The following IMMP2L variants were observed in gnomAD, a reference collection of about 807,000 sequenced individuals.
IMMP2L encodes the protein inner mitochondrial membrane peptidase subunit 2.
In IMMP2L, 18 loss-of-function variants were observed where a neutral mutation model predicts 19.3. That is an observed-to-expected ratio of 0.93 (90% CI 0.64 to 1.38). The LOEUF is 1.38. IMMP2L is among the 40% of genes most tolerant of loss of function. The pLI, the probability that IMMP2L is intolerant of heterozygous loss-of-function variation, is 0.00. For synonymous variants in IMMP2L, 76 were observed against 73.0 expected (o/e 1.04, Z -0.21); for missense variants, 233 against 218.2 (o/e 1.07, Z -0.43).
chr7:110,688,422 A>G (rs1158883697), intron 5 of IMMP2L, among the ~76,000 whole-genome samples: 1 of 152,106 alleles, frequency 6.6e-6, no homozygotes, highest in Non-Finnish European at 1.5e-5. Context: ...GTTCTAAACA[A>G]AACCAAATAC....
chr7:110,694,766 C>A (rs1485030846), intron 5 of IMMP2L, among the ~76,000 whole-genome samples: 2 of 152,114 alleles, frequency 1.3e-5, no homozygotes, highest in African/African-American at 4.8e-5. Flanking sequence ...CAAACAAATA[C>A]TTGAACCTGC....
At chr7:110,861,127 GA>G (rs1807373410) in intron 5 of IMMP2L, among the ~76,000 whole-genome samples, 4 of 145,848 alleles carry the variant, frequency 2.7e-5, no homozygotes, top group African/African-American at 1.0e-4. Flanking sequence ...GAGAGAGAGA[GA>G]GACAGAGACA....
intron 3 of IMMP2L, among the ~76,000 whole-genome samples, chr7:111,135,766 C>T (rs1159873737): frequency 4.6e-5 from 7 of 152,126 alleles, no homozygotes; most frequent in Admixed American, 4.6e-4. Context: ...CCCTGTCTCC[C>T]AAATACACTA....
intron 5 of IMMP2L, among the ~76,000 whole-genome samples, chr7:110,820,790 T>C (rs988060483): frequency 1.3e-5 from 2 of 152,056 alleles, no homozygotes; most frequent in Admixed American, 6.6e-5. Flanking sequence ...TGGTAGGAAG[T>C]ACACCGAACT....
At chr7:110,860,954 C>T (rs905842375) in intron 5 of IMMP2L, among the ~76,000 whole-genome samples, 7 of 151,074 alleles carry the variant, frequency 4.6e-5, no homozygotes, top group Non-Finnish European at 8.8e-5. Context: ...GTAATGAATC[C>T]AACTATTCAA....
At chr7:111,322,254 C>A (rs1824801324) in intron 3 of IMMP2L, among the ~76,000 whole-genome samples, 1 of 151,756 alleles carries the variant, frequency 6.6e-6, no homozygotes. Flanking sequence ...TTCTTTTATG[C>A]CAGACCCATG....
chr7:110,807,995 T>G (rs1801745035), intron 5 of IMMP2L, among the ~76,000 whole-genome samples: 1 of 152,060 alleles, frequency 6.6e-6, no homozygotes, highest in Non-Finnish European at 1.5e-5. Context: ...TACAAATGAG[T>G]TTGCTAAAAT....
chr7:111,241,185 A>G (rs1420193057), intron 3 of IMMP2L, among the ~76,000 whole-genome samples: 2 of 151,980 alleles, frequency 1.3e-5, no homozygotes, highest in African/African-American at 2.4e-5. Context: ...AATATTATCA[A>G]TAAGATTACA....
At chr7:111,432,371 T>C (rs1291083587) in intron 3 of IMMP2L, among the ~76,000 whole-genome samples, 1 of 151,788 alleles carries the variant, frequency 6.6e-6, no homozygotes, top group Admixed American at 6.6e-5. Flanking sequence ...AACACCATGA[T>C]CAGGTGGGAT....
At chr7:111,101,426 T>C (rs1053899541) in intron 3 of IMMP2L, among the ~76,000 whole-genome samples, 1 of 151,514 alleles carries the variant, frequency 6.6e-6, no homozygotes, top group Non-Finnish European at 1.5e-5. Flanking sequence ...TCTCAGAATC[T>C]GTGAGAGTAA....
intron 1 of IMMP2L, among the ~76,000 whole-genome samples, chr7:111,546,342 T>C (rs967708926): frequency 2.0e-5 from 3 of 152,132 alleles, no homozygotes; most frequent in South Asian, 2.1e-4. Context: ...CATTGTGTTT[T>C]CAAAATTTGT....
At chr7:111,502,784 C>T (rs1240217212) in intron 2 of IMMP2L, among the ~76,000 whole-genome samples, 2 of 150,984 alleles carry the variant, frequency 1.3e-5, no homozygotes, top group East Asian at 1.9e-4. Flanking sequence ...AGAACAAAGA[C>T]ACAACATACC....
At chr7:111,524,454 T>G (rs1267451785) in intron 1 of IMMP2L, among the ~76,000 whole-genome samples, 1 of 152,000 alleles carries the variant, frequency 6.6e-6, no homozygotes, top group Non-Finnish European at 1.5e-5. Flanking sequence ...TCTACACTTA[T>G]GTTTAAGTCA....
chr7:111,130,241 G>T (rs1801718322), intron 3 of IMMP2L, among the ~76,000 whole-genome samples: 1 of 152,058 alleles, frequency 6.6e-6, no homozygotes, highest in South Asian at 2.1e-4. Context: ...GCAAACTGAA[G>T]AATTCAAATA....
At chr7:110,959,078 T>C (rs189161337) in intron 4 of IMMP2L, among the ~76,000 whole-genome samples, 2 of 152,124 alleles carry the variant, frequency 1.3e-5, no homozygotes, top group African/African-American at 4.8e-5. Context: ...AAATGGAAGA[T>C]TGGATTAATC....
Position 110,925,926 on chromosome 7 carries a change from A to G in IMMP2L, c.305+37574T>C, listed in dbSNP as rs139866798. The stretch of plus-strand genomic sequence containing the variant: ...ACACATAGTATAAGACCTAATTTAG[A>G]TAACTCCCATACTTGATCTTACTCA... On this transcript the variant is annotated intron_variant, in intron 4 of 5. Transcript: ENST00000405709. Among the ~76,000 whole-genome samples, 73 of 152,220 alleles carry G rather than the reference A, an allele frequency of 4.8e-4. No homozygotes were observed. The East Asian group carries it at 0.013, about 28-fold the overall frequency.
intron 4 of IMMP2L, among the ~76,000 whole-genome samples, chr7:110,901,563 C>T (rs564213950): frequency 2.4e-4 from 37 of 152,164 alleles, no homozygotes; most frequent in South Asian, 4.2e-4. Context: ...AAAACCAAAC[C>T]GATGACTAAC....
At chr7:111,360,809 C>G (rs553648161) in intron 3 of IMMP2L, among the ~76,000 whole-genome samples, 6 of 151,996 alleles carry the variant, frequency 3.9e-5, no homozygotes, top group Non-Finnish European at 8.8e-5. Flanking sequence ...CAGAGCGATA[C>G]CTTGTTTCAA....
Position 111,213,223 on chromosome 7 carries a change from G to A in IMMP2L, c.240-249658C>T, listed in dbSNP as rs559887230. Reference sequence around the variant, plus strand: ...TTGGAGTGGAGTTGAGGCCTAGCCCGGGTGCTGTCACAATCAGGCTGAGTG... The same window carrying A: ...TTGGAGTGGAGTTGAGGCCTAGCCCAGGTGCTGTCACAATCAGGCTGAGTG... On this transcript the variant is annotated intron_variant, in intron 3 of 5. Coordinates refer to ENST00000405709, the MANE Select transcript of IMMP2L (RefSeq NM_032549.4). This position sits in a 1 kb window ranked among gnomAD's most constrained non-coding sequence, Gnocchi z 4.8. Among the ~76,000 whole-genome samples, 8 of 152,194 alleles carry A rather than the reference G, an allele frequency of 5.3e-5. No individual in the cohort carries two copies. The highest frequency in any genetic ancestry group is 1.4e-4 in the African/African-American group (6 of 41,452).
Sources: gnomAD v4.1 joint callset for allele counts (sites outside exome capture counted in the v4.1 genomes callset) on GRCh38, gnomAD v4.1.1 for gene constraint, Gnocchi (gnomAD v3.1) non-coding constraint, MANE v1.5 for transcripts, NCBI Gene and HGNC (gene_info 2026-07-23, HGNC 2026-07-21) for gene names.